SI: variants seen among roughly 807,000 people sequenced by gnomAD.
The protein encoded by SI is sucrase-isomaltase, intestinal.
SI carries 235 observed loss-of-function variants against 253.3 expected under a neutral mutation model. The observed-to-expected ratio is 0.93, with a 90% CI of 0.83 to 1.03. The LOEUF (loss-of-function observed/expected upper bound fraction) is 1.03, where lower values mean the gene tolerates loss of function less well. Among genes scored for constraint, SI ranks in the 50% least tolerant of loss-of-function variants. The pLI is 0.00. For missense variants in SI, 2,442 were observed against 2,211.1 expected, an observed-to-expected ratio of 1.10 and a Z score of -2.09; for synonymous variants, 819 against 712.0, an observed-to-expected ratio of 1.15 and a Z score of -2.39.
the SI span, among the ~76,000 whole-genome samples, chr3:165,084,416 T>C: frequency 6.6e-6 from 1 of 152,060 alleles, no homozygotes; most frequent in Non-Finnish European, 1.5e-5. Context: ...CTCCCAGTTA[T>C]ATTTAAAAAA....
In SI at chr3:165,007,963, T is replaced by C; in HGVS notation, c.4215A>G (p.Thr1405=). The C allele has an allele frequency of 6.2e-7, 1 of 1,600,874 alleles. No homozygotes were observed. Among genetic ancestry groups the C allele is most frequent in the Non-Finnish European group, 8.6e-7 (1 of 1,169,070 alleles). ...MNEPSSFVNG[T]TTNQCRNDEL... ...CGTCATTTCTGCATTGATTAGTAGT[T>C]GTTCCATTTACAAAACTTGATGGCT... The change falls in exon 36 of 48, where the codon ACA becomes ACG. Residue 1405 remains threonine, a synonymous_variant. Transcript: ENST00000264382.
chr3:165,017,608 A>G lies in SI; in HGVS notation c.3699T>C (p.Tyr1233=), dbSNP rs772719182. ...ALGFQLCRYG[Y]ANTSEVRELY... ...ATTCCCGAACCTCTGAAGTATTTGC[A>G]TATCCATAACGACATAATTGGAATC... The change falls in exon 31 of 48, where the codon TAT becomes TAC. Residue 1233 remains tyrosine (Y), a synonymous_variant. Transcript: ENST00000264382. 49 of 1,612,822 alleles carry G rather than the reference A, an allele frequency of 3.0e-5. No homozygotes were observed. The Middle Eastern group carries it at 2.6e-3, about 87-fold the overall frequency.
In SI at chr3:165,063,486, G is replaced by A; in HGVS notation, c.863C>T (p.Ser288Phe). The change falls in exon 8 of 48, where the codon TCT becomes TTT. Residue 288 changes from serine to phenylalanine, a missense_variant. Coordinates refer to ENST00000264382, the MANE Select transcript of SI (RefSeq NM_001041.4). ...QTFFMCIEDT[S>F]GKSFGVFLMN... ...TAAAAAAACACCGAATGACTTTCCA[G>A]ATGTATCTTCAATACACATAAAGAA... is the stretch of plus-strand genomic sequence containing the variant. 1 of 1,565,548 alleles carries A rather than the reference G, an allele frequency of 6.4e-7. No individual in the cohort carries two copies. The highest frequency in any genetic ancestry group is 8.8e-7 in the Non-Finnish European group (1 of 1,139,488).
intron 1 of SI, among the ~76,000 whole-genome samples, chr3:165,078,035 C>T (rs1035624222): frequency 6.6e-6 from 1 of 151,322 alleles, no homozygotes; most frequent in Non-Finnish European, 1.5e-5. Context: ...AGCTAGAAAA[C>T]AGTAATGTTT....
intron 9 of SI, among the ~76,000 whole-genome samples, chr3:165,061,760 G>A (rs1336416236): frequency 6.6e-6 from 1 of 150,868 alleles, no homozygotes; most frequent in Non-Finnish European, 1.5e-5. Flanking sequence ...TAGGTCCTGG[G>A]TTCCCCACCT....
intron 20 of SI, among the ~76,000 whole-genome samples, chr3:165,038,315 G>A (rs1712638283): frequency 6.6e-6 from 1 of 151,808 alleles, no homozygotes; most frequent in Middle Eastern, 3.2e-3. Context: ...TTGGTTTAAA[G>A]TTTATGCCTT....
At chr3:165,081,128 A>T (rs1294636886), upstream of SI, among the ~76,000 whole-genome samples, 1 of 152,082 alleles carries the variant, frequency 6.6e-6, no homozygotes, top group African/African-American at 2.4e-5. Context: ...AAAAATCACA[A>T]AATAAATGTA....
chr3:165,047,129 C>A, intron 15 of SI, 117 bp from the exon 16 acceptor site: 1 of 729,296 alleles, frequency 1.4e-6, no homozygotes, highest in Non-Finnish European at 2.2e-6. Context: ...TGTCCCCACC[C>A]AAATCTCATC....
chr3:165,041,023 G>C lies in SI; in HGVS notation c.2076C>G (p.Arg692=), dbSNP rs1712802083. 3 of 1,612,414 alleles carry C rather than the reference G, an allele frequency of 1.9e-6. No individual in the cohort carries two copies. The highest frequency in any genetic ancestry group is 3.3e-5 in the Admixed American group (2 of 59,906). Residue 692 remains arginine, a synonymous_variant, in exon 18 of 48, where the codon CGC becomes CGG. Transcript: ENST00000264382. ...VKSSRQYLTI[R]YTLLPFLYTL... is the part of the protein sequence containing the mutation. ...TGTAGAGGAAGGGTAATAAGGTGTAGCGAATAGTTAAATACTGCCTTGATG... is the reference window on the plus strand; with the variant it reads ...TGTAGAGGAAGGGTAATAAGGTGTACCGAATAGTTAAATACTGCCTTGATG...
At chr3:164,992,043 A>G (rs1717757243) in intron 43 of SI, 134 bp downstream of exon 43, 4 of 789,368 alleles carry the variant, frequency 5.1e-6, no homozygotes, top group Non-Finnish European at 8.9e-6. Context: ...TTCAGCTATA[A>G]TTTACCGGAA....
At chr3:164,989,382 A>G (rs1223384757) in intron 44 of SI, among the ~76,000 whole-genome samples, 2 of 70,818 alleles carry the variant, frequency 2.8e-5, no homozygotes, top group Admixed American at 3.2e-4. Flanking sequence ...GGAAGAAAGA[A>G]AGAAAGGAAG....
chr3:165,055,069 T>A, intron 13 of SI, 125 bp downstream of exon 13: 1 of 642,814 alleles, frequency 1.6e-6, no homozygotes, highest in Non-Finnish European at 2.8e-6. Flanking sequence ...GGAAAAAACA[T>A]TATAGTAGCT....
intron 25 of SI, among the ~76,000 whole-genome samples, chr3:165,026,400 C>T (rs1711922900): frequency 6.6e-6 from 1 of 151,182 alleles, no homozygotes; most frequent in African/African-American, 2.4e-5. Context: ...CTTCAATACT[C>T]CACTGATAGT....
chr3:165,067,571 G>T (rs1714313235), intron 5 of SI, 80 bp from the exon 6 acceptor site: 1 of 1,226,772 alleles, frequency 8.2e-7, no homozygotes. Flanking sequence ...TTAAATGCAA[G>T]TTCCAAATAA....
At chr3:164,983,626 A>G (rs1268790813) in intron 45 of SI, among the ~76,000 whole-genome samples, 1 of 151,952 alleles carries the variant, frequency 6.6e-6, no homozygotes, top group Non-Finnish European at 1.5e-5. Context: ...GTCTGGCTCT[A>G]TTGTCCCAGC....
At chr3:165,075,795 T>G in intron 2 of SI, 100 bp downstream of exon 2, 1 of 715,054 alleles carries the variant, frequency 1.4e-6, no homozygotes, top group African/African-American at 1.8e-5. Flanking sequence ...CTATAAGTGT[T>G]TCATCTTACA....
rs553907991 is a variant in SI at position 165,017,968 on chromosome 3, A to G, written c.3520+2T>C. 6.2e-7 allele frequency: 1 copy of G among 1,602,426 alleles called. No individual in the cohort carries two copies. The highest frequency in any genetic ancestry group is 1.3e-5 in the African/African-American group (1 of 74,734). On this transcript the variant is annotated splice_donor_variant, in intron 29 of 47. Coordinates refer to ENST00000264382, the MANE Select transcript of SI (RefSeq NM_001041.4). LOFTEE classifies it high-confidence loss of function. ...GAGACATTCAACAAATGATTGTTTT[A>G]CCCATTGCATTGCTGTTGAGTAAGA...
chr3:165,015,862 C>A, intron 32 of SI, 90 bp downstream of exon 32: 1 of 1,143,358 alleles, frequency 8.7e-7, no homozygotes, highest in Non-Finnish European at 1.3e-6. Flanking sequence ...TATATACTTT[C>A]TATTTTGAAA....
intron 13 of SI, among the ~76,000 whole-genome samples, chr3:165,054,269 T>A (rs986667654): frequency 6.6e-6 from 1 of 152,146 alleles, no homozygotes; most frequent in African/African-American, 2.4e-5. Flanking sequence ...TTATGTACTT[T>A]TTCCAAATTC....
Sources: allele counts gnomAD v4.1 joint callset (sites outside exome capture counted in the v4.1 genomes callset), GRCh38; gene constraint gnomAD v4.1.1; transcripts MANE v1.5; gene names NCBI Gene and HGNC (gene_info 2026-07-23, HGNC 2026-07-21).